The following ELSPBP1 variants were observed in gnomAD, a reference collection of about 807,000 sequenced individuals.
ELSPBP1 encodes epididymal sperm-binding protein 1.
ELSPBP1 carries 38 observed loss-of-function variants against 33.3 expected under a neutral mutation model. The observed-to-expected ratio is 1.14, with a 90% CI of 0.88 to 1.50. The LOEUF is 1.50. Among genes scored for constraint, ELSPBP1 ranks in the 40% most tolerant of loss-of-function variants. The pLI is 0.00. For missense variants in ELSPBP1, 267 were observed against 263.5 expected (o/e 1.01, Z -0.09); for synonymous variants, 85 against 94.1 (o/e 0.90, Z 0.56).
rs141661450 is a variant in ELSPBP1, at chr19:48,006,484, C to T, written c.-17-2167C>T. On this transcript the variant is annotated intron_variant, in intron 1 of 6. Transcript: ENST00000339841. ...CAGAAATTAGCCAGGCGTGGTGGCA[C>T]GTGCCTGTAATCCCAGCTACTTGGG... Among the ~76,000 whole-genome samples, 825 of 151,714 alleles carry T rather than the reference C, an allele frequency of 5.4e-3. 5 individuals are homozygous for T. The highest frequency in any genetic ancestry group is 0.019 in the African/African-American group (769 of 41,392).
rs548396256 is a variant in ELSPBP1 at position 48,003,470 on chromosome 19, A to G, written c.-17-5181A>G. ...ATAAGAAATGAGTTTGAGGGAAGGC[A>G]CAGTATGGACTAGGGATTGTATTCT... On this transcript the variant is annotated intron_variant, in intron 1 of 6. Transcript: ENST00000339841. 3.9e-5 allele frequency among the ~76,000 whole-genome samples: 6 copies of G among 152,128 alleles called. No homozygotes were observed. The South Asian group carries it at 1.2e-3, about 32-fold the overall frequency.
intron 1 of ELSPBP1, among the ~76,000 whole-genome samples, chr19:48,002,516 C>A (rs1012772287): frequency 6.6e-6 from 1 of 152,184 alleles, no homozygotes; most frequent in Non-Finnish European, 1.5e-5. Context: ...TTGGGCCGGG[C>A]GCAGTGGCTC....
At chr19:47,994,966 A>G (rs1446117405) in intron 1 of ELSPBP1, among the ~76,000 whole-genome samples, 155 bp downstream of exon 1, 4 of 152,244 alleles carry the variant, frequency 2.6e-5, no homozygotes, top group African/African-American at 9.6e-5. Flanking sequence ...ACTTTAAAAA[A>G]CTAAGAAGAG....
chr19:47,998,741 C>G (rs1311669184), intron 1 of ELSPBP1, among the ~76,000 whole-genome samples: 1 of 148,102 alleles, frequency 6.8e-6, no homozygotes, highest in Non-Finnish European at 1.5e-5. Context: ...GAGCCGAGAT[C>G]GCGCCACTGC....
chr19:48,003,427 C>A (rs1479298488), intron 1 of ELSPBP1, among the ~76,000 whole-genome samples: 2 of 151,586 alleles, frequency 1.3e-5, no homozygotes, highest in Admixed American at 6.6e-5. Flanking sequence ...AAAGGCAGAT[C>A]GAGGGAGGGG....
At chr19:47,996,445 T>C (rs1325091144) in intron 1 of ELSPBP1, among the ~76,000 whole-genome samples, 1 of 151,992 alleles carries the variant, frequency 6.6e-6, no homozygotes, top group African/African-American at 2.4e-5. Flanking sequence ...GATAAATGAA[T>C]GGACAGATGA....
intron 1 of ELSPBP1, among the ~76,000 whole-genome samples, chr19:48,002,845 A>G (rs1249540664): frequency 6.6e-6 from 1 of 152,206 alleles, no homozygotes; most frequent in South Asian, 2.1e-4. Flanking sequence ...AGTAATGAAA[A>G]TATCTGGCTT....
chr19:48,006,338 G>C (rs1600103519), intron 1 of ELSPBP1, among the ~76,000 whole-genome samples: 2 of 152,080 alleles, frequency 1.3e-5, no homozygotes, highest in Admixed American at 1.3e-4. Flanking sequence ...TTAAGGTTGG[G>C]CCCAGTGGCT....
At chr19:48,020,560 G>T (rs1386431529) in intron 5 of ELSPBP1, among the ~76,000 whole-genome samples, 1 of 152,160 alleles carries the variant, frequency 6.6e-6, no homozygotes, top group East Asian at 1.9e-4. Context: ...TTTCATCAGT[G>T]ACAAAGTTTA....
chr19:48,014,536 CG>C (rs1345975787), intron 3 of ELSPBP1, among the ~76,000 whole-genome samples: 3 of 52,854 alleles, frequency 5.7e-5, no homozygotes, highest in African/African-American at 8.3e-5. Flanking sequence ...GGGTGGGGGG[CG>C]GGGGGAGGGA....
chr19:48,016,164 A>C, intron 4 of ELSPBP1, 125 bp downstream of exon 4: 1 of 1,158,718 alleles, frequency 8.6e-7, no homozygotes. Flanking sequence ...ACAGGAGCCA[A>C]GTGTCTGCTC....
intron 2 of ELSPBP1, 44 bp from the exon 3 acceptor site, chr19:48,014,127 A>T (rs1967105338): frequency 6.2e-7 from 1 of 1,600,452 alleles, no homozygotes. Context: ...TTGCTAATTC[A>T]TCGTGATTCT....
chr19:47,998,697 G>C (rs979042411), intron 1 of ELSPBP1, among the ~76,000 whole-genome samples: 1 of 150,124 alleles, frequency 6.7e-6, no homozygotes, highest in Non-Finnish European at 1.5e-5. Context: ...TGAGGCAGGA[G>C]AATGGCGTGG....
intron 1 of ELSPBP1, among the ~76,000 whole-genome samples, chr19:48,006,621 C>CAAAAAAAAAAA (rs1190341508): frequency 1.3e-3 from 26 of 20,796 alleles, no homozygotes; most frequent in East Asian, 3.7e-3. Flanking sequence ...GACCCTGTCT[C>CAAAAAAAAAAA]AAAAAAAAAA....
chr19:48,005,521 G>A (rs1165815571), intron 1 of ELSPBP1, among the ~76,000 whole-genome samples: 2 of 152,204 alleles, frequency 1.3e-5, no homozygotes, highest in South Asian at 2.1e-4. Context: ...CATGGGGGAA[G>A]GATAGCATAT....
intron 1 of ELSPBP1, among the ~76,000 whole-genome samples, chr19:48,008,301 T>C (rs1025317654): frequency 2.0e-5 from 3 of 152,134 alleles, no homozygotes; most frequent in Admixed American, 6.6e-5. Flanking sequence ...GGCACAATCA[T>C]AGCTCACTGC....
At chr19:47,998,159 A>T (rs755920426) in intron 1 of ELSPBP1, among the ~76,000 whole-genome samples, 192 of 152,152 alleles carry the variant, frequency 1.3e-3, no homozygotes, top group Non-Finnish European at 2.4e-3. Context: ...CAATCCTGTA[A>T]TCCCAGCACT....
rs747234966 is a variant in ELSPBP1, at chr19:48,008,728, T to G, written c.61T>G (p.Ser21Ala). 2.5e-6 allele frequency: 4 copies of G among 1,613,132 alleles called. No individual in the cohort carries two copies. Among genetic ancestry groups the G allele is most frequent in the African/African-American group, 1.3e-5 (1 of 74,754 alleles). Residue 21 changes from serine (S) to alanine (A), a missense_variant, in exon 2 of 7, where the codon TCA becomes GCA. Transcript: ENST00000339841. ...WTTFLLYSYE[S>A]SGGMHEECVF... ...AACCTTCCTTCTCTATTCCTATGAG[T>G]CAAGTGGAGGTAAGGACACTCAAAG...
chr19:48,005,599 T>C (rs1326205696), intron 1 of ELSPBP1, among the ~76,000 whole-genome samples: 1 of 152,216 alleles, frequency 6.6e-6, no homozygotes, highest in Non-Finnish European at 1.5e-5. Context: ...GGTGGACATG[T>C]CTGGGAGGCA....
Sources: allele counts gnomAD v4.1 joint callset (sites outside exome capture counted in the v4.1 genomes callset), GRCh38; gene constraint gnomAD v4.1.1; transcripts MANE v1.5; gene names NCBI Gene and HGNC (gene_info 2026-07-23, HGNC 2026-07-21).